The following HUWE1 variants were observed in gnomAD, a reference collection of about 807,000 sequenced individuals.
HUWE1 encodes the protein HECT, UBA and WWE domain containing E3 ubiquitin protein ligase 1.
HUWE1 carries 18 observed loss-of-function variants against 299.4 expected under a neutral mutation model. That is an observed-to-expected ratio of 0.06 (90% CI 0.04 to 0.09). The LOEUF is 0.09. Among genes scored for constraint, HUWE1 ranks in the 10% least tolerant of loss-of-function variants. The pLI is 1.00. For synonymous variants in HUWE1, 1,317 were observed against 1,286.1 expected (o/e 1.02, Z -0.51); for missense variants, 1,832 against 3,462.3 (o/e 0.53, Z 11.82).
intron 4 of HUWE1, among the ~76,000 whole-genome samples, chrX:53,652,371 G>A (rs1557040690): frequency 1.8e-5 from 2 of 111,706 alleles, no homozygotes; most frequent in African/African-American, 3.3e-5. Flanking sequence ...AGTCCCACAT[G>A]CTCTACAAGA....
chrX:53,570,057 T>C (rs1556949623), intron 47 of HUWE1, among the ~76,000 whole-genome samples: 1 of 112,699 alleles, frequency 8.9e-6, no homozygotes, highest in Non-Finnish European at 1.9e-5. Flanking sequence ...GCACAGCTTA[T>C]ACACTGTTAT....
At chrX:53,624,549 G>A in intron 19 of HUWE1, 46 bp downstream of exon 19, 1 of 841,809 alleles carries the variant, frequency 1.2e-6, no homozygotes, top group Non-Finnish European at 1.8e-6. Flanking sequence ...AGAGAGCTCT[G>A]CCAGGTTATC....
chrX:53,596,182 T>C (rs1395494445), intron 29 of HUWE1, among the ~76,000 whole-genome samples: 6 of 112,126 alleles, frequency 5.4e-5, no homozygotes, highest in African/African-American at 1.9e-4. Flanking sequence ...GGGCTAGGTC[T>C]GAATCAAAGT....
At chrX:53,605,191 C>T (rs2065083981) in intron 25 of HUWE1, among the ~76,000 whole-genome samples, 2 of 112,494 alleles carry the variant, frequency 1.8e-5, no homozygotes, top group Admixed American at 1.9e-4. Flanking sequence ...GGAAGTGAGT[C>T]ACTATTACAC....
At chrX:53,657,520 C>T (rs917633459) in intron 3 of HUWE1, among the ~76,000 whole-genome samples, 8 of 111,068 alleles carry the variant, frequency 7.2e-5, no homozygotes, top group Non-Finnish European at 1.3e-4. Flanking sequence ...AGTGAGACTC[C>T]GTCTCAAAAA....
At chrX:53,639,053 T>C (rs782706359) in intron 7 of HUWE1, among the ~76,000 whole-genome samples, 1 of 111,998 alleles carries the variant, frequency 8.9e-6, no homozygotes, top group South Asian at 3.7e-4. Context: ...TTTGAAAACA[T>C]CACATACAAA....
At chrX:53,630,686 A>G (rs1557021947) in intron 12 of HUWE1, among the ~76,000 whole-genome samples, 74 of 110,174 alleles carry the variant, frequency 6.7e-4, no homozygotes, top group African/African-American at 1.2e-3. Flanking sequence ...AAAAAAAAAA[A>G]AGAGACGAAT....
At chrX:53,643,318 C>A (rs782803259) in intron 7 of HUWE1, among the ~76,000 whole-genome samples, 8 of 110,900 alleles carry the variant, frequency 7.2e-5, no homozygotes, top group Non-Finnish European at 1.1e-4. Flanking sequence ...AGAATATTTG[C>A]TTATACTGTG....
At chrX:53,599,075 C>T (rs1324236483) in intron 29 of HUWE1, among the ~76,000 whole-genome samples, 1 of 112,047 alleles carries the variant, frequency 8.9e-6, no homozygotes, top group Admixed American at 9.4e-5. Context: ...GAACAGATAG[C>T]AAAGTGCTTA....
chrX:53,584,344 A>T lies in HUWE1; in HGVS notation c.5003T>A (p.Val1668Asp). 8.3e-7 allele frequency: 1 copy of T among 1,202,945 alleles called. No homozygotes were observed. Among genetic ancestry groups the T allele is most frequent in the South Asian group, 1.8e-5 (1 of 56,671 alleles). The part of the protein sequence containing the change: ...YTVQFTTMVQ[V>D]NEETGNRRPV... ...GCGTCGGTTCCCTGTTTCCTCATTAACCTAGGAATTCAAACAGACATTAAA... is the reference window on the plus strand; with the variant it reads ...GCGTCGGTTCCCTGTTTCCTCATTATCCTAGGAATTCAAACAGACATTAAA... The change falls in exon 41 of 84, where the codon GTT becomes GAT. Residue 1668 changes from valine to aspartate, a missense_variant and splice_region_variant. By Grantham distance (152) the Val-to-Asp change is radical. This residue lies in a region of HUWE1 where 658 missense variants were observed against 1,282.6 expected (regional missense o/e 0.51). Coordinates refer to ENST00000262854, the MANE Select transcript of HUWE1 (RefSeq NM_031407.7).
rs2065766381 is a variant in HUWE1, at chrX:53,615,777, G to T, written c.2016C>A (p.Thr672=). 8.3e-7 allele frequency: 1 copy of T among 1,209,672 alleles called. No individual in the cohort carries two copies. Among genetic ancestry groups the T allele is most frequent in the Non-Finnish European group, 1.1e-6 (1 of 894,025 alleles). ...TGGCAGTCGTTGCATCTGTTTTAAG[G>T]GTGGGCTGATGTCTCATGAGCTCAT... The part of the protein sequence containing the change: ...AVDELMRHQP[T]LKTDATTAII... Residue 672 remains threonine (T), a synonymous_variant, in exon 22 of 84, where the codon ACC becomes ACA. Coordinates refer to ENST00000262854, the MANE Select transcript of HUWE1 (RefSeq NM_031407.7).
Position 53,600,209 on chromosome X carries a change from T to C in HUWE1, c.3072A>G (p.Thr1024=), listed in dbSNP as rs1173961121. 1 of 1,207,770 alleles carries C rather than the reference T, an allele frequency of 8.3e-7. No individual in the cohort carries two copies. Among genetic ancestry groups the C allele is most frequent in the Non-Finnish European group, 1.1e-6 (1 of 892,910 alleles). Residue 1024 remains threonine, a synonymous_variant, in exon 29 of 84, where the codon ACA becomes ACG. Coordinates refer to ENST00000262854, the MANE Select transcript of HUWE1 (RefSeq NM_031407.7). ...LDGDTLAPME[T]DEPTASDSKG... ...TAGAGTCTGAAGCAGTAGGTTCATC[T>C]GTCTCCATGGGAGCCAATGTGTCAC...
chrX:53,637,127 A>C (rs2067270507), intron 7 of HUWE1, among the ~76,000 whole-genome samples: 1 of 112,388 alleles, frequency 8.9e-6, no homozygotes, highest in African/African-American at 3.2e-5. Flanking sequence ...GCCAGTTTTT[A>C]CAACACCATC....
At chrX:53,578,971 C>A (rs2063422104) in intron 43 of HUWE1, among the ~76,000 whole-genome samples, 1 of 73,754 alleles carries the variant, frequency 1.4e-5, no homozygotes, top group African/African-American at 5.5e-5. Context: ...GCCCGGCCGC[C>A]CCTACTGGGA....
chrX:53,564,009 G>C (rs1298301858), intron 51 of HUWE1, among the ~76,000 whole-genome samples, 188 bp from the exon 52 acceptor site: 1 of 112,041 alleles, frequency 8.9e-6, no homozygotes, highest in African/African-American at 3.2e-5. Flanking sequence ...TCCACAACCA[G>C]ACTATCCTTC....
Position 53,535,234 on chromosome X carries a change from GTTAAGTATTTTTGA to G in HUWE1, c.12649+136_12649+149del. 6.0e-6 allele frequency: 3 copies of G among 502,760 alleles called. No homozygotes were observed. In the South Asian group the frequency reaches 7.7e-5, roughly 13 times the overall value. The allele number at this position is 502,760 out of a possible 1,213,427, so 41.4% of individuals were successfully genotyped here. The stretch of plus-strand genomic sequence containing the variant: ...ATAGGTGTGAGCCACCGTGCCCAAA[GTTAAGTATTTTTGA>G]TCAAGTGTTTTGTCTTTTGTGCAAG... On this transcript the variant is annotated intron_variant, in intron 81 of 83. Transcript: ENST00000262854.
chrX:53,615,639 C>T, intron 22 of HUWE1, 105 bp downstream of exon 22: 1 of 576,781 alleles, frequency 1.7e-6, no homozygotes, highest in Non-Finnish European at 3.0e-6. Context: ...AATGCTCTTA[C>T]AGCTATAGCC....
chrX:53,579,294 C>T (rs1451794410), intron 43 of HUWE1, among the ~76,000 whole-genome samples: 1 of 89,740 alleles, frequency 1.1e-5, no homozygotes, highest in Non-Finnish European at 2.2e-5. Flanking sequence ...GCCCCTCTGC[C>T]TGGCCAGCCG....
chrX:53,631,072 T>C (rs370700318), intron 11 of HUWE1, 38 bp from the exon 12 acceptor site: 2 of 805,161 alleles, frequency 2.5e-6, no homozygotes, highest in African/African-American at 4.0e-5. Context: ...AAAACATCAA[T>C]GAAAAAGGTG....
Sources: gnomAD v4.1 joint callset for allele counts (sites outside exome capture counted in the v4.1 genomes callset) on GRCh38, gnomAD v4.1.1 for gene constraint, gnomAD v4.1.1 regional missense constraint, MANE v1.5 for transcripts, NCBI Gene and HGNC (gene_info 2026-07-23, HGNC 2026-07-21) for gene names.